CBLB: variants seen among roughly 807,000 people sequenced by gnomAD.
CBLB encodes the protein E3 ubiquitin-protein ligase CBL-B.
Under a neutral mutation model 104.9 loss-of-function variants are expected in CBLB, and 31 were observed. The ratio of observed to expected loss-of-function variants is 0.30; its 90% CI spans 0.22 to 0.40. The LOEUF (loss-of-function observed/expected upper bound fraction) is 0.40. Among genes scored for constraint, CBLB ranks in the 10% least tolerant of loss-of-function variants. The pLI is 1.00. For missense variants in CBLB, 1,062 were observed against 1,214.6 expected, an observed-to-expected ratio of 0.87 and a Z score of 1.87; for synonymous variants, 440 against 422.6, an observed-to-expected ratio of 1.04 and a Z score of -0.51.
At chr3:105,788,856 C>T in intron 3 of CBLB, among the ~76,000 whole-genome samples, 2 of 152,282 alleles carry the variant, frequency 1.3e-5, no homozygotes, top group East Asian at 1.9e-4. Context: ...CAAAGTTTGG[C>T]AGTTTCTGCC....
chr3:105,853,806 G>T, intron 2 of CBLB, 142 bp from the exon 3 acceptor site: 1 of 623,256 alleles, frequency 1.6e-6, no homozygotes, highest in Non-Finnish European at 2.8e-6. Flanking sequence ...TTTATTAACT[G>T]ATAGTCACGT....
chr3:105,829,450 G>A (rs758116702), intron 3 of CBLB, among the ~76,000 whole-genome samples: 11 of 151,934 alleles, frequency 7.2e-5, no homozygotes, highest in Non-Finnish European at 1.5e-4. Context: ...CCTGAGCCCA[G>A]GAGTTCAAGA....
intron 3 of CBLB, among the ~76,000 whole-genome samples, chr3:105,818,992 G>A (rs554797446): frequency 3.5e-4 from 54 of 152,296 alleles, no homozygotes; most frequent in Admixed American, 1.3e-3. Flanking sequence ...AATTGCATCT[G>A]TGAATCTGCA....
intron 4 of CBLB, among the ~76,000 whole-genome samples, chr3:105,771,259 C>A (rs370737926): frequency 2.0e-5 from 3 of 152,078 alleles, no homozygotes; most frequent in African/African-American, 7.2e-5. Flanking sequence ...AAATGTGACA[C>A]ATCACATAAA....
rs750014939 is a variant in CBLB, at chr3:105,681,514, G to A, written c.2393C>T (p.Thr798Met). 1.1e-5 allele frequency: 17 copies of A among 1,613,958 alleles called. No homozygotes were observed. Among genetic ancestry groups the A allele is most frequent in the Middle Eastern group, 1.6e-4 (1 of 6,084 alleles). The change falls in exon 16 of 19, where the codon ACG (threonine) becomes ATG (methionine). Residue 798 changes from threonine (T) to methionine (M), a missense_variant. Thr to Met is a moderately conservative substitution (Grantham distance 81). Transcript: ENST00000394030. ...NPKHGSSLNRTPSDYDLLIPP... is the reference protein window; with the variant it reads ...NPKHGSSLNRMPSDYDLLIPP... ...GATGAGAAGATCATAATCAGAGGGC[G>A]TCCTGTTGAGTGAAGAACCATGCTT...
At chr3:105,866,920 A>G in intron 2 of CBLB, among the ~76,000 whole-genome samples, 1 of 152,242 alleles carries the variant, frequency 6.6e-6, no homozygotes, top group East Asian at 1.9e-4. Flanking sequence ...ATGAAGATGA[A>G]TTCTCAAAGA....
At chr3:105,844,258 G>T (rs1320293972) in intron 3 of CBLB, among the ~76,000 whole-genome samples, 1 of 152,198 alleles carries the variant, frequency 6.6e-6, no homozygotes, top group African/African-American at 2.4e-5. Flanking sequence ...CAGATTTCTT[G>T]CCTCCAGAAA....
intron 12 of CBLB, among the ~76,000 whole-genome samples, chr3:105,700,320 C>T (rs2068909261): frequency 6.6e-6 from 1 of 151,836 alleles, no homozygotes; most frequent in South Asian, 2.1e-4. Flanking sequence ...AATGAAATGG[C>T]TATAACAACT....
chr3:105,684,739 G>T (rs1559812366), intron 14 of CBLB, among the ~76,000 whole-genome samples: 1 of 152,018 alleles, frequency 6.6e-6, no homozygotes. Flanking sequence ...TTTTAGTAGA[G>T]ACAGGGTTTC....
At chr3:105,764,716 T>C (rs1436275442) in intron 4 of CBLB, among the ~76,000 whole-genome samples, 1 of 152,182 alleles carries the variant, frequency 6.6e-6, no homozygotes, top group East Asian at 1.9e-4. Flanking sequence ...AAATCTGACA[T>C]AGGACAAAAG....
chr3:105,764,067 T>C (rs975639710), intron 4 of CBLB, among the ~76,000 whole-genome samples: 2 of 152,238 alleles, frequency 1.3e-5, no homozygotes, highest in African/African-American at 4.8e-5. Flanking sequence ...GGAGAAATAC[T>C]ACCTCTATTT....
rs184049894 is a variant in CBLB, at chr3:105,834,557, G to A, written c.419+18857C>T. 4.2e-3 allele frequency among the ~76,000 whole-genome samples: 633 copies of A among 152,286 alleles called. 5 individuals are homozygous for A. Among genetic ancestry groups the A allele is most frequent in the African/African-American group, 0.015 (612 of 41,554 alleles). ...TGTAGTCCCAGCTACTCAGGAGGCTGAGGCAGGAGAATGGCATGAACCAGG... is the reference window on the plus strand; with the variant it reads ...TGTAGTCCCAGCTACTCAGGAGGCTAAGGCAGGAGAATGGCATGAACCAGG... On this transcript the variant is annotated intron_variant, in intron 3 of 18. Transcript: ENST00000394030.
chr3:105,688,103 T>C (rs906738226), intron 13 of CBLB, among the ~76,000 whole-genome samples: 7 of 152,088 alleles, frequency 4.6e-5, no homozygotes, highest in African/African-American at 1.7e-4. Flanking sequence ...TTATGGGGCA[T>C]GGGACAATTT....
At chr3:105,782,239 G>C (rs2080345172) in intron 3 of CBLB, among the ~76,000 whole-genome samples, 2 of 152,106 alleles carry the variant, frequency 1.3e-5, no homozygotes, top group Admixed American at 1.3e-4. Context: ...GTACACAACA[G>C]ACATTAAAAG....
In CBLB at chr3:105,752,004, G is replaced by C. The variant is rs79148633; in HGVS notation, c.567-386C>G. Reference sequence around the variant, plus strand: ...CATTTTCTAAAAACAGTCATAAGATGATGGGTCCATATAATAATAGAAATC... The same window carrying C: ...CATTTTCTAAAAACAGTCATAAGATCATGGGTCCATATAATAATAGAAATC... On this transcript the variant is annotated intron_variant, in intron 4 of 18. Coordinates refer to ENST00000394030, the MANE Select transcript of CBLB (RefSeq NM_170662.5). Among the ~76,000 whole-genome samples, 213 of 152,220 alleles carry C rather than the reference G, an allele frequency of 1.4e-3. 3 individuals carry two copies. Among genetic ancestry groups the C allele is most frequent in the African/African-American group, 4.7e-3 (194 of 41,546 alleles).
At chr3:105,868,271 G>A in intron 1 of CBLB, 1 of 1,220,234 alleles carries the variant, frequency 8.2e-7, no homozygotes, top group Non-Finnish European at 1.0e-6. Flanking sequence ...TGACAAGAGC[G>A]GCCACGGAAA....
chr3:105,774,485 A>G (rs1197458171), intron 4 of CBLB, among the ~76,000 whole-genome samples: 1 of 152,246 alleles, frequency 6.6e-6, no homozygotes, highest in East Asian at 1.9e-4. Flanking sequence ...GCAGTCATCC[A>G]CAAATTAAAA....
chr3:105,681,462 T>A lies in CBLB; in HGVS notation c.2428+17A>T. ...AAGGAGGGGTGGGTTGTTCAAAACT[T>A]TTTTAAAGGTTTCAACCTAATGGAG... On this transcript the variant is annotated intron_variant, in intron 16 of 18. Transcript: ENST00000394030. 1.2e-6 allele frequency: 2 copies of A among 1,613,760 alleles called. No homozygotes were observed. The highest frequency in any genetic ancestry group is 1.7e-6 in the Non-Finnish European group (2 of 1,179,700).
chr3:105,693,619 G>T (rs778277120), intron 12 of CBLB, 31 bp from the exon 13 acceptor site: 3 of 1,474,958 alleles, frequency 2.0e-6, no homozygotes, highest in Non-Finnish European at 9.5e-7. Context: ...TAGTTTCCAA[G>T]AATTTAACTT....
Sources: gnomAD v4.1 joint callset for allele counts (sites outside exome capture counted in the v4.1 genomes callset) on GRCh38, gnomAD v4.1.1 for gene constraint, MANE v1.5 for transcripts, NCBI Gene and HGNC (gene_info 2026-07-23, HGNC 2026-07-21) for gene names.